Variants in DHDDS observed in about 807,000 individuals in gnomAD.
DHDDS encodes the protein dehydrodolichyl diphosphate synthase complex subunit DHDDS.
DHDDS carries 16 observed loss-of-function variants against 46.2 expected under a neutral mutation model. The ratio of observed to expected loss-of-function variants is 0.35; its 90% CI spans 0.23 to 0.53. The LOEUF is 0.53. DHDDS is among the 20% of genes least tolerant of loss of function. DHDDS has a pLI of 0.94. For synonymous variants in DHDDS, 151 were observed against 163.1 expected, an observed-to-expected ratio of 0.93 and a Z score of 0.56; for missense variants, 340 against 423.7, an observed-to-expected ratio of 0.80 and a Z score of 1.73.
intron 2 of DHDDS, among the ~76,000 whole-genome samples, chr1:26,436,126 G>A (rs1000746644): frequency 7.3e-5 from 11 of 151,414 alleles, no homozygotes; most frequent in African/African-American, 1.9e-4. Flanking sequence ...GGCCAGACAC[G>A]ATGGTTCAAA....
intron 8 of DHDDS, 91 bp from the exon 9 acceptor site, chr1:26,468,804 A>AC: frequency 7.9e-6 from 3 of 380,336 alleles, no homozygotes; most frequent in South Asian, 3.8e-5. Context: ...CACTTGGCCC[A>AC]CCCTGTGCCC....
chr1:26,450,064 G>T (rs1033056811), intron 6 of DHDDS, among the ~76,000 whole-genome samples: 2 of 152,198 alleles, frequency 1.3e-5, no homozygotes, highest in South Asian at 4.1e-4. Context: ...TTCAGACAGG[G>T]TTTATCTCTG....
At chr1:26,464,924 G>C (rs1212544184) in intron 8 of DHDDS, among the ~76,000 whole-genome samples, 1 of 152,172 alleles carries the variant, frequency 6.6e-6, no homozygotes, top group Non-Finnish European at 1.5e-5. Context: ...GCAGGGACTT[G>C]GCTACAAGTT....
chr1:26,434,451 G>A (rs1339847601), intron 2 of DHDDS, among the ~76,000 whole-genome samples: 1 of 152,198 alleles, frequency 6.6e-6, no homozygotes, highest in East Asian at 1.9e-4. Flanking sequence ...GCAGTGGTAT[G>A]TTTGGAAGAA....
chr1:26,439,633 G>A (rs1425089106), intron 3 of DHDDS, among the ~76,000 whole-genome samples: 1 of 152,058 alleles, frequency 6.6e-6, no homozygotes, highest in Non-Finnish European at 1.5e-5. Context: ...ATTTCTGGAC[G>A]AACATTGAGT....
intron 7 of DHDDS, among the ~76,000 whole-genome samples, chr1:26,459,621 C>G (rs188353514): frequency 2.0e-5 from 3 of 152,352 alleles, no homozygotes; most frequent in Admixed American, 2.0e-4. Context: ...CCACTGTGCC[C>G]TGCTGCTGGT....
chr1:26,457,712 GA>G (rs1430372999), intron 6 of DHDDS, 78 bp from the exon 7 acceptor site: 2 of 1,081,964 alleles, frequency 1.8e-6, no homozygotes, highest in Non-Finnish European at 2.9e-6. Flanking sequence ...CCTATATATG[GA>G]AGTTCACCAT....
At chr1:26,433,163 G>T in intron 2 of DHDDS, 155 bp downstream of exon 2, 1 of 799,590 alleles carries the variant, frequency 1.3e-6, no homozygotes, top group East Asian at 2.7e-5. Context: ...TAACTTCCAG[G>T]TCTACATTTC....
At chr1:26,454,650 A>G (rs1210313424) in intron 6 of DHDDS, 8 of 1,357,194 alleles carry the variant, frequency 5.9e-6, no homozygotes, top group Non-Finnish European at 8.3e-6. Context: ...CTGTGCCATA[A>G]GTTTTTGTTT....
At chr1:26,462,480 A>G (rs1178517742) in intron 8 of DHDDS, among the ~76,000 whole-genome samples, 1 of 151,980 alleles carries the variant, frequency 6.6e-6, no homozygotes, top group African/African-American at 2.4e-5. Context: ...TCCCTCTTTC[A>G]TTTCCTACTG....
chr1:26,433,711 C>T (rs542480179), intron 2 of DHDDS, among the ~76,000 whole-genome samples: 5 of 149,890 alleles, frequency 3.3e-5, no homozygotes, highest in Middle Eastern at 7.1e-3. Context: ...GGGCTCTAGA[C>T]GCAGACAAAC....
At chr1:26,434,388 C>T (rs1388445050) in intron 2 of DHDDS, among the ~76,000 whole-genome samples, 1 of 152,160 alleles carries the variant, frequency 6.6e-6, no homozygotes, top group Non-Finnish European at 1.5e-5. Flanking sequence ...AAACAAATGC[C>T]AAGTGATCTC....
intron 2 of DHDDS, among the ~76,000 whole-genome samples, chr1:26,437,567 T>A: frequency 6.6e-6 from 1 of 150,636 alleles, no homozygotes; most frequent in Non-Finnish European, 1.5e-5. Flanking sequence ...ACCTCCTGGG[T>A]TCAAGCGATT....
intron 3 of DHDDS, among the ~76,000 whole-genome samples, chr1:26,440,654 C>T (rs546188939): frequency 6.6e-6 from 1 of 152,330 alleles, no homozygotes; most frequent in African/African-American, 2.4e-5. Flanking sequence ...ACAGTGGCTG[C>T]CTTGCAAGGT....
chr1:26,467,157 T>C (rs2075498737), intron 8 of DHDDS: 3 of 336,206 alleles, frequency 8.9e-6, no homozygotes, highest in Admixed American at 3.6e-5. Context: ...TCCTCTGAAC[T>C]GCATGACCCT....
intron 2 of DHDDS, among the ~76,000 whole-genome samples, chr1:26,434,715 C>T (rs956124460): frequency 6.6e-6 from 1 of 152,056 alleles, no homozygotes; most frequent in African/African-American, 2.4e-5. Flanking sequence ...TGCAGTGGTG[C>T]AGTCTTGGCT....
intron 8 of DHDDS, among the ~76,000 whole-genome samples, chr1:26,463,188 A>G (rs899356347): frequency 6.6e-6 from 1 of 152,206 alleles, no homozygotes; most frequent in Non-Finnish European, 1.5e-5. Context: ...GGCTGGAGTT[A>G]AAGCCAAGAG....
rs1288778858 is a variant in DHDDS, at chr1:26,457,840, C to T, written c.592C>T (p.Pro198Ser). 2 of 1,613,890 alleles carry T rather than the reference C, an allele frequency of 1.2e-6. No individual in the cohort carries two copies. The highest frequency in any genetic ancestry group is 3.3e-5 in the Admixed American group (2 of 59,986). Residue 198 changes from proline to serine, a missense_variant, in exon 7 of 9, where the codon CCT becomes TCT. Pro to Ser is a moderately conservative substitution (Grantham distance 74). Coordinates refer to ENST00000236342, the MANE Select transcript of DHDDS (RefSeq NM_205861.3). ...LDKCLYTNRS[P>S]HPDILIRTSG... ...TAAGTGCCTCTATACCAACCGCTCT[C>T]CTCATCCTGACATCTTGATACGGAC...
intron 5 of DHDDS, 140 bp downstream of exon 5, chr1:26,446,572 C>G (rs1045611245): frequency 6.6e-6 from 5 of 755,566 alleles, no homozygotes. Flanking sequence ...TAGAGACTTT[C>G]TCCGTCTGCA....
Sources: allele counts gnomAD v4.1 joint callset (sites outside exome capture counted in the v4.1 genomes callset), GRCh38; gene constraint gnomAD v4.1.1; transcripts MANE v1.5; gene names NCBI Gene and HGNC (gene_info 2026-07-23, HGNC 2026-07-21).